The following L2HGDH variants were observed in gnomAD, a reference collection of about 807,000 sequenced individuals.
The protein encoded by L2HGDH is L-2-hydroxyglutarate dehydrogenase, mitochondrial.
In L2HGDH, 34 loss-of-function variants were observed where a neutral mutation model predicts 51.5. The ratio of observed to expected loss-of-function variants is 0.66; its 90% CI spans 0.50 to 0.88. The LOEUF is 0.88. Ranked by LOEUF, L2HGDH falls within the 40% of genes least tolerant of loss-of-function variation. The pLI, the probability that L2HGDH is intolerant of heterozygous loss-of-function variation, is 0.00. For missense variants in L2HGDH, 558 were observed against 571.9 expected, an observed-to-expected ratio of 0.98 and a Z score of 0.25; for synonymous variants, 198 against 197.9, an observed-to-expected ratio of 1.00 and a Z score of -0.01.
intron 6 of L2HGDH, among the ~76,000 whole-genome samples, chr14:50,270,728 G>A (rs919700337): frequency 6.6e-6 from 1 of 151,828 alleles, no homozygotes; most frequent in Admixed American, 6.6e-5. Flanking sequence ...GGATGGTCTC[G>A]ATCTCCTGAC....
Position 50,298,353 on chromosome 14 carries a change from T to C in L2HGDH, c.408+3664A>G, listed in dbSNP as rs1397491086. Among the ~76,000 whole-genome samples the C allele has an allele frequency of 5.9e-5, 9 of 151,702 alleles. No individual in the cohort carries two copies. The East Asian group carries it at 1.8e-3, about 30-fold the overall frequency. ...TTTTTGAGACAGAGTTTCGCTCTTG[T>C]TGCCCAGGCTGGAGTGCAATGGCGC... On this transcript the variant is annotated intron_variant, in intron 3 of 9. Transcript: ENST00000267436.
chr14:50,293,623 G>A (rs1335404936), intron 4 of L2HGDH, among the ~76,000 whole-genome samples: 1 of 152,124 alleles, frequency 6.6e-6, no homozygotes, highest in Non-Finnish European at 1.5e-5. Context: ...CCAGCACTTT[G>A]GGAGGTCGAG....
In L2HGDH at chr14:50,265,465, C is replaced by G. The variant is rs139749452; in HGVS notation, c.1089G>C (p.Gln363His). 1.2e-6 allele frequency: 2 copies of G among 1,613,218 alleles called. No homozygotes were observed. The highest frequency in any genetic ancestry group is 2.7e-5 in the African/African-American group (2 of 74,884). The change falls in exon 9 of 10, where the codon CAG becomes CAC. Residue 363 changes from glutamine (Q) to histidine (H), a missense_variant. Gln to His is a conservative substitution (Grantham distance 24, BLOSUM62 0). Around this residue, in one of 3 missense-constraint regions of L2HGDH, gnomAD observed 321 missense variants for 311.8 expected, o/e 1.03. Transcript: ENST00000267436. ...TTTCAGTAACTCCATAGGAAAAATT[C>G]TGGGATGCCAGTTTAATCAAGCCAC... ...INSGLIKLAS[Q>H]NFSYGVTEMY...
intron 1 of L2HGDH, among the ~76,000 whole-genome samples, chr14:50,310,936 C>CTTTTTTTTTTTTT (rs34399906): frequency 2.4e-5 from 2 of 82,244 alleles, no homozygotes; most frequent in Non-Finnish European, 4.6e-5. Context: ...CTTTTCTTTT[C>CTTTTTTTTTTTTT]TTTTTTTTTT....
chr14:50,254,194 T>C (rs12890974), intron 9 of L2HGDH, among the ~76,000 whole-genome samples: 46,182 of 151,950 alleles, frequency 0.3, 8,279 homozygotes, highest in Non-Finnish European at 0.41. Flanking sequence ...AAGAGTGTAA[T>C]TGAACTGTTT....
chr14:50,279,710 G>C (rs536371110), intron 5 of L2HGDH, among the ~76,000 whole-genome samples: 161 of 151,578 alleles, frequency 1.1e-3, no homozygotes, highest in Non-Finnish European at 1.7e-3. Context: ...AAGGAAGAAA[G>C]TAAAGAGGAA....
At chr14:50,266,726 T>C (rs571803113) in intron 8 of L2HGDH, among the ~76,000 whole-genome samples, 1 of 152,308 alleles carries the variant, frequency 6.6e-6, no homozygotes, top group Non-Finnish European at 1.5e-5. Context: ...GGAAGCTCCA[T>C]CCTAAACTTT....
At chr14:50,298,341 G>A (rs2030199795) in intron 3 of L2HGDH, among the ~76,000 whole-genome samples, 1 of 151,158 alleles carries the variant, frequency 6.6e-6, no homozygotes, top group Non-Finnish European at 1.5e-5. Context: ...TTGAGACAGA[G>A]TTTCGCTCTT....
intron 6 of L2HGDH, among the ~76,000 whole-genome samples, chr14:50,276,191 A>G (rs978719026): frequency 7.9e-5 from 12 of 152,218 alleles, no homozygotes; most frequent in South Asian, 2.1e-4. Context: ...CAAAACAGCC[A>G]GGGCTGCTAA....
intron 5 of L2HGDH, among the ~76,000 whole-genome samples, chr14:50,280,435 G>A (rs1184146910): frequency 1.3e-5 from 2 of 152,136 alleles, no homozygotes; most frequent in African/African-American, 4.8e-5. Flanking sequence ...CAAAGTGTGG[G>A]ATTACAGGCG....
chr14:50,286,384 A>G (rs928465705), intron 4 of L2HGDH, among the ~76,000 whole-genome samples: 6 of 152,166 alleles, frequency 3.9e-5, no homozygotes, highest in Non-Finnish European at 2.9e-5. Context: ...TTATCCTCCC[A>G]AGTCAAAGTT....
At chr14:50,251,746 C>G (rs914341519) in intron 9 of L2HGDH, among the ~76,000 whole-genome samples, 1 of 151,944 alleles carries the variant, frequency 6.6e-6, no homozygotes, top group African/African-American at 2.4e-5. Flanking sequence ...AGGAAAAAAC[C>G]CTTTTACTCT....
chr14:50,298,249 A>C (rs1332388188), intron 3 of L2HGDH, among the ~76,000 whole-genome samples: 1 of 152,020 alleles, frequency 6.6e-6, no homozygotes, highest in Non-Finnish European at 1.5e-5. Flanking sequence ...CTCAAAAAAA[A>C]AAAAAGAAAA....
At chr14:50,256,756 T>C (rs370907494) in intron 9 of L2HGDH, among the ~76,000 whole-genome samples, 7 of 152,126 alleles carry the variant, frequency 4.6e-5, no homozygotes, top group Admixed American at 2.0e-4. Flanking sequence ...TGGAAATCTA[T>C]TTCCATCTTG....
chr14:50,250,006 A>G (rs528873681), intron 9 of L2HGDH, among the ~76,000 whole-genome samples: 1 of 143,488 alleles, frequency 7.0e-6, no homozygotes, highest in South Asian at 2.2e-4. Context: ...GGCTCAAGCG[A>G]TTCTCCTGCC....
intron 8 of L2HGDH, among the ~76,000 whole-genome samples, chr14:50,267,473 C>T (rs1274281919): frequency 6.6e-6 from 1 of 152,164 alleles, no homozygotes; most frequent in East Asian, 1.9e-4. Flanking sequence ...TGAGCCACTG[C>T]GCCCAGCCAG....
At chr14:50,247,296 G>C (rs1888064906) in intron 9 of L2HGDH, 43 bp from the exon 10 acceptor site, 2 of 1,597,524 alleles carry the variant, frequency 1.3e-6, no homozygotes, top group Non-Finnish European at 1.7e-6. Flanking sequence ...CAAAGACATA[G>C]GATACTTTAC....
At chr14:50,267,276 G>A (rs986694014) in intron 8 of L2HGDH, among the ~76,000 whole-genome samples, 8 of 151,436 alleles carry the variant, frequency 5.3e-5, no homozygotes, top group South Asian at 4.2e-4. Flanking sequence ...TCTGCCTCCC[G>A]GGTTCATGCC....
intron 6 of L2HGDH, among the ~76,000 whole-genome samples, chr14:50,277,063 A>G (rs764939193): frequency 5.3e-5 from 8 of 152,344 alleles, no homozygotes; most frequent in Non-Finnish European, 8.8e-5. Context: ...CTAGTTGAGA[A>G]CTACTAATCT....
Sources: allele counts gnomAD v4.1 joint callset (sites outside exome capture counted in the v4.1 genomes callset), GRCh38; gene constraint gnomAD v4.1.1; regional missense constraint gnomAD v4.1.1; transcripts MANE v1.5; gene names NCBI Gene and HGNC (gene_info 2026-07-23, HGNC 2026-07-21).